The following MYO18B variants were observed in gnomAD, a reference collection of about 807,000 sequenced individuals.
The protein encoded by MYO18B is unconventional myosin-XVIIIb.
MYO18B carries 204 observed loss-of-function variants against 273.0 expected under a neutral mutation model. The ratio of observed to expected loss-of-function variants is 0.75; its 90% CI spans 0.67 to 0.84. MYO18B has a LOEUF of 0.84. Ranked by LOEUF, MYO18B falls within the 40% of genes least tolerant of loss-of-function variation. The pLI is 0.00. For missense variants in MYO18B, 3,212 were observed against 3,287.6 expected, an observed-to-expected ratio of 0.98 and a Z score of 0.56; for synonymous variants, 1,330 against 1,305.7, an observed-to-expected ratio of 1.02 and a Z score of -0.40.
intron 40 of MYO18B, among the ~76,000 whole-genome samples, chr22:25,997,253 T>G (rs985170436): frequency 3.2e-5 from 4 of 124,648 alleles, no homozygotes; most frequent in Non-Finnish European, 4.7e-5. Flanking sequence ...TGCAGTGAGC[T>G]GAGATGGCGC....
intron 34 of MYO18B, among the ~76,000 whole-genome samples, chr22:25,932,685 C>A (rs1390218889): frequency 6.6e-6 from 1 of 152,142 alleles, no homozygotes; most frequent in Non-Finnish European, 1.5e-5. Flanking sequence ...GCTGGGATTA[C>A]AGGTGTGAGC....
intron 1 of MYO18B, among the ~76,000 whole-genome samples, chr22:25,746,666 G>GCTGT (rs2085787980): frequency 6.6e-6 from 1 of 152,212 alleles, no homozygotes; most frequent in Non-Finnish European, 1.5e-5. Flanking sequence ...CTGTATCTGT[G>GCTGT]CTGTCCAACA....
chr22:25,982,250 C>T (rs1237721886), intron 39 of MYO18B, among the ~76,000 whole-genome samples: 3 of 152,246 alleles, frequency 2.0e-5, no homozygotes, highest in East Asian at 3.9e-4. Flanking sequence ...GGGAGATCCA[C>T]GAGGCAGAGA....
chr22:25,831,311 C>G (rs1332668860), intron 15 of MYO18B, among the ~76,000 whole-genome samples: 2 of 152,292 alleles, frequency 1.3e-5, no homozygotes, highest in Non-Finnish European at 1.5e-5. Flanking sequence ...TTTCTAAGTT[C>G]AAGGCTTTAT....
chr22:25,767,970 G>A lies in MYO18B; in HGVS notation c.199-145G>A, dbSNP rs1601630317. On this transcript the variant is annotated intron_variant, in intron 3 of 43. Transcript: ENST00000335473. ...GGTCAAGGGTGCTAGGCTTGGCCAT[G>A]CCTGTTGGATTTGGAGGTGCTCGAG... 7 of 778,506 alleles carry A rather than the reference G, an allele frequency of 9.0e-6. No homozygotes were observed. In the East Asian group the frequency reaches 1.3e-4, roughly 15 times the overall value. 48.2% of individuals were successfully genotyped at this position (778,506 alleles called of 1,614,324 possible). A position where few individuals can be genotyped will look rare whatever the true frequency, so the allele number is the denominator to read the frequency against.
intron 39 of MYO18B, among the ~76,000 whole-genome samples, chr22:25,981,562 A>G (rs1404398099): frequency 6.6e-6 from 1 of 152,206 alleles, no homozygotes; most frequent in East Asian, 1.9e-4. Flanking sequence ...CAACACAGTA[A>G]GACCCCATCT....
intron 34 of MYO18B, among the ~76,000 whole-genome samples, chr22:25,934,717 T>C (rs148215609): frequency 6.6e-5 from 10 of 152,260 alleles, no homozygotes; most frequent in Non-Finnish European, 1.0e-4. Flanking sequence ...AGAAAAATGG[T>C]TGCATTCTTT....
chr22:25,909,476 T>C (rs1012643458), intron 32 of MYO18B, among the ~76,000 whole-genome samples: 2 of 152,250 alleles, frequency 1.3e-5, no homozygotes, highest in Non-Finnish European at 2.9e-5. Flanking sequence ...TTGCTTTCTA[T>C]AGAAGTGACC....
intron 2 of MYO18B, among the ~76,000 whole-genome samples, chr22:25,762,203 G>C (rs2086346014): frequency 6.6e-6 from 1 of 152,090 alleles, no homozygotes; most frequent in Admixed American, 6.5e-5. Flanking sequence ...TGTGGGCCCT[G>C]CAGTGCTGCC....
At chr22:26,031,421 G>A (rs542744858), downstream of MYO18B, among the ~76,000 whole-genome samples, 8 of 152,270 alleles carry the variant, frequency 5.3e-5, no homozygotes, top group South Asian at 6.2e-4. Context: ...GCCTCTCTCC[G>A]TAGCTGGTAG....
the MYO18B span, among the ~76,000 whole-genome samples, chr22:26,038,365 T>G: frequency 1.6e-4 from 24 of 152,220 alleles, no homozygotes; most frequent in Non-Finnish European, 2.4e-4. Flanking sequence ...ATGTAGCCTC[T>G]CTGTGCCTCT....
rs34431605 is a variant in MYO18B at position 25,997,978 on chromosome 22, C to CACACACACACGAGAGAGAGAGAGA, written c.6288-5287_6288-5286insACACACACACGAGAGAGAGAGAGA. Reference sequence around the variant, plus strand: ...ACACAAACACACACACACACACACACGAGAGAGAGAGAGAGAGAGAGAGAT... The same window carrying CACACACACACGAGAGAGAGAGAGA: ...ACACAAACACACACACACACACACACACACACACACGAGAGAGAGAGAGAGAGAGAGAGAGAGAGAGAGAGAGAT... On this transcript the variant is annotated intron_variant, in intron 40 of 43. Coordinates refer to ENST00000335473, the MANE Select transcript of MYO18B (RefSeq NM_032608.7). Among the ~76,000 whole-genome samples the CACACACACACGAGAGAGAGAGAGA allele has an allele frequency of 7.5e-4, 109 of 144,592 alleles. 1 individual carries two copies. The highest frequency in any genetic ancestry group is 1.1e-3 in the Non-Finnish European group (76 of 66,364). 94.9% of individuals were successfully genotyped at this position (144,592 alleles called of 152,430 possible).
chr22:25,810,582 C>T (rs559437769), intron 12 of MYO18B, among the ~76,000 whole-genome samples: 16 of 151,346 alleles, frequency 1.1e-4, no homozygotes, highest in African/African-American at 1.5e-4. Context: ...TACAGGTGTG[C>T]GCCACCATCC....
At chr22:25,950,568 T>C in intron 37 of MYO18B, 118 bp downstream of exon 37, 1 of 266,224 alleles carries the variant, frequency 3.8e-6, no homozygotes, top group Non-Finnish European at 6.1e-6. Flanking sequence ...TTATTGTTTG[T>C]TTATTTGTTT....
chr22:26,018,339 A>G (rs1270245859), intron 42 of MYO18B, among the ~76,000 whole-genome samples: 1 of 151,846 alleles, frequency 6.6e-6, no homozygotes, highest in African/African-American at 2.4e-5. Context: ...AGGCATGGGG[A>G]CAGCATGGGG....
At chr22:25,867,151 T>C (rs1292228737) in intron 21 of MYO18B, among the ~76,000 whole-genome samples, 3 of 152,178 alleles carry the variant, frequency 2.0e-5, no homozygotes, top group Non-Finnish European at 4.4e-5. Flanking sequence ...TAAAAGTTAA[T>C]CTTAACCATT....
chr22:25,943,176 C>T (rs2092664758), intron 34 of MYO18B, among the ~76,000 whole-genome samples: 2 of 152,122 alleles, frequency 1.3e-5, no homozygotes, highest in Admixed American at 6.5e-5. Context: ...CTGCGTGAGG[C>T]CTCCTCTTCC....
intron 39 of MYO18B, 144 bp downstream of exon 39, chr22:25,955,508 A>AG: frequency 1.1e-6 from 1 of 872,416 alleles, no homozygotes; most frequent in South Asian, 2.3e-5. Context: ...AGAAACAAGA[A>AG]GGGGAGAGTG....
At chr22:25,950,863 G>A (rs2092785019) in intron 37 of MYO18B, among the ~76,000 whole-genome samples, 1 of 152,142 alleles carries the variant, frequency 6.6e-6, no homozygotes, top group Non-Finnish European at 1.5e-5. Context: ...TGAACCACCA[G>A]GCCCAGCTGG....
Sources: gnomAD v4.1 joint callset for allele counts (sites outside exome capture counted in the v4.1 genomes callset) on GRCh38, gnomAD v4.1.1 for gene constraint, MANE v1.5 for transcripts, NCBI Gene and HGNC (gene_info 2026-07-23, HGNC 2026-07-21) for gene names.